The following ERBB4 variants were observed in gnomAD, a reference collection of about 807,000 sequenced individuals.
ERBB4 encodes the protein erb-b2 receptor tyrosine kinase 4, also known as receptor tyrosine-protein kinase erbB-4.
A neutral mutation model predicts 158.0 loss-of-function variants in ERBB4; 42 were observed. That is an observed-to-expected ratio of 0.27 (90% CI 0.21 to 0.34). The LOEUF is 0.34. Ranked by LOEUF, ERBB4 falls within the 10% of genes least tolerant of loss-of-function variation. The pLI, the probability that ERBB4 is intolerant of heterozygous loss-of-function variation, is 1.00. For missense variants in ERBB4, 1,333 were observed against 1,624.1 expected, an observed-to-expected ratio of 0.82 and a Z score of 3.08; for synonymous variants, 583 against 558.7, an observed-to-expected ratio of 1.04 and a Z score of -0.61.
At chr2:212,402,601 A>C (rs1157299149) in intron 1 of ERBB4, among the ~76,000 whole-genome samples, 2 of 152,112 alleles carry the variant, frequency 1.3e-5, no homozygotes, top group Non-Finnish European at 2.9e-5. Flanking sequence ...GTGTTAACTG[A>C]GCAAAATGTA....
intron 1 of ERBB4, among the ~76,000 whole-genome samples, chr2:212,288,445 G>T (rs955273413): frequency 2.0e-5 from 3 of 152,044 alleles, no homozygotes; most frequent in African/African-American, 7.2e-5. Flanking sequence ...AGGGCTCCCT[G>T]GCAGAAGCTC....
rs181579639 is a variant in ERBB4 at position 212,495,609 on chromosome 2, G to A, written c.82+42840C>T. ...TGGCCCCAATAGAAATGTACCTGGC[G>A]AGGCACGTGCTATGTCTCACCTGAC... On this transcript the variant is annotated intron_variant, in intron 1 of 27. Coordinates refer to ENST00000342788, the MANE Select transcript of ERBB4 (RefSeq NM_005235.3). Among the ~76,000 whole-genome samples, 7 of 152,228 alleles carry A rather than the reference G, an allele frequency of 4.6e-5. No homozygotes were observed. In the East Asian group the frequency reaches 5.8e-4, roughly 13 times the overall value.
chr2:212,079,530 A>G (rs1380979996), intron 2 of ERBB4, among the ~76,000 whole-genome samples: 1 of 152,006 alleles, frequency 6.6e-6, no homozygotes, highest in Non-Finnish European at 1.5e-5. Flanking sequence ...TACTCCCATA[A>G]CCTTTTAATA....
intron 1 of ERBB4, among the ~76,000 whole-genome samples, chr2:212,480,175 T>C (rs114597315): frequency 0.016 from 2,494 of 152,254 alleles, 38 homozygotes; most frequent in Middle Eastern, 0.034. Flanking sequence ...TAAAAAATAT[T>C]TTATCTATTC....
intron 13 of ERBB4, 76 bp downstream of exon 13, chr2:211,678,976 A>T: frequency 8.5e-7 from 1 of 1,172,886 alleles, no homozygotes; most frequent in Non-Finnish European, 1.2e-6. Flanking sequence ...CAAAAAAAAA[A>T]AAAAAAAAAA....
chr2:211,431,198 A>C (rs947558526), intron 20 of ERBB4, 98 bp from the exon 21 acceptor site: 15 of 1,068,618 alleles, frequency 1.4e-5, no homozygotes, highest in African/African-American at 9.5e-5. Context: ...GAAGTGCCTA[A>C]TTTTTTAAGT....
intron 16 of ERBB4, among the ~76,000 whole-genome samples, chr2:211,656,584 G>T (rs1470048507): frequency 6.6e-6 from 1 of 152,180 alleles, no homozygotes; most frequent in Non-Finnish European, 1.5e-5. Flanking sequence ...GATCAAGATA[G>T]AAGAATAGTT....
chr2:211,868,909 A>G lies in ERBB4; in HGVS notation c.421+78521T>C, dbSNP rs539624407. Reference sequence around the variant, plus strand: ...AAGTCCCAATTTTCCTTACCTCTCAATAAATCTATTGCAACAGCCTCCTAA... The same window carrying G: ...AAGTCCCAATTTTCCTTACCTCTCAGTAAATCTATTGCAACAGCCTCCTAA... On this transcript the variant is annotated intron_variant, in intron 3 of 27. Coordinates refer to ENST00000342788, the MANE Select transcript of ERBB4 (RefSeq NM_005235.3). 3.3e-4 allele frequency among the ~76,000 whole-genome samples: 51 copies of G among 152,242 alleles called. No individual in the cohort carries two copies. The South Asian group carries it at 5.0e-3, about 15-fold the overall frequency.
rs199623388 is a variant in ERBB4 at position 212,411,954 on chromosome 2, ACTT to A, written c.82+126492_82+126494del. Reference sequence around the variant, plus strand: ...AGCCCACATCTGGTCTATGGGAAAGACTTCTTCTTCTTCTTAGATCAACTCTGG... The same window carrying A: ...AGCCCACATCTGGTCTATGGGAAAGACTTCTTCTTCTTAGATCAACTCTGG... On this transcript the variant is annotated intron_variant, in intron 1 of 27. Transcript: ENST00000342788. Among the ~76,000 whole-genome samples, 1,134 of 152,104 alleles carry A rather than the reference ACTT, an allele frequency of 7.5e-3. 10 individuals are homozygous for A. The highest frequency in any genetic ancestry group is 0.026 in the African/African-American group (1,068 of 41,476).
intron 1 of ERBB4, among the ~76,000 whole-genome samples, chr2:212,188,245 TCA>T (rs1559691981): frequency 6.9e-5 from 2 of 29,172 alleles, no homozygotes; most frequent in African/African-American, 1.4e-4. Context: ...CCCCCCCCTC[TCA>T]CCCCCTCCCT....
chr2:211,513,487 C>T (rs1234077816), intron 20 of ERBB4, among the ~76,000 whole-genome samples: 1 of 151,988 alleles, frequency 6.6e-6, no homozygotes, highest in Non-Finnish European at 1.5e-5. Context: ...ATTCTTTCCC[C>T]TCTCTCTATG....
rs1031415089 is a variant in ERBB4, at chr2:212,087,052, C to T, written c.234+37700G>A. Among the ~76,000 whole-genome samples the T allele has an allele frequency of 4.6e-5, 7 of 151,884 alleles. No homozygotes were observed. In the East Asian group the frequency reaches 7.7e-4, roughly 17 times the overall value. On this transcript the variant is annotated intron_variant, in intron 2 of 27. Coordinates refer to ENST00000342788, the MANE Select transcript of ERBB4 (RefSeq NM_005235.3). ...AGGAAAGATGTATATCTTCCTGCTTCGGTGATGCAGAGAAAGGGAGCTTAA... is the reference window on the plus strand; with the variant it reads ...AGGAAAGATGTATATCTTCCTGCTTTGGTGATGCAGAGAAAGGGAGCTTAA...
At position 212,188,215 on chromosome 2, in the gene ERBB4, T is replaced by TCTCTCTCG. The variant is rs1553585799; in HGVS notation, c.83-63313_83-63312insCGAGAGAG. 4.8e-3 allele frequency among the ~76,000 whole-genome samples: 156 copies of TCTCTCTCG among 32,326 alleles called. 4 individuals are homozygous for TCTCTCTCG. Among genetic ancestry groups the TCTCTCTCG allele is most frequent in the African/African-American group, 0.016 (138 of 8,756 alleles). 21.2% of individuals were successfully genotyped at this position (32,326 alleles called of 152,430 possible). A position where few individuals can be genotyped will look rare whatever the true frequency, so the allele number is the denominator to read the frequency against. On this transcript the variant is annotated intron_variant, in intron 1 of 27. Transcript: ENST00000342788. ...CTCTCTCTCTCTCTCTCTCTCTCTC[T>TCTCTCTCG]CTCTCTCTCTCTCTCTCTCCCCCCC...
chr2:211,598,927 G>C (rs1171442062), intron 19 of ERBB4, among the ~76,000 whole-genome samples: 1 of 152,142 alleles, frequency 6.6e-6, no homozygotes, highest in Non-Finnish European at 1.5e-5. Flanking sequence ...TCATGCCATA[G>C]ATTTGAGCCC....
chr2:211,379,742 A>G lies in ERBB4; in HGVS notation c.*3873T>C. 4.3e-6 allele frequency: 1 copy of G among 232,112 alleles called. No individual in the cohort carries two copies. The highest frequency in any genetic ancestry group is 1.3e-3 in the Middle Eastern group (1 of 776). 14.4% of individuals were successfully genotyped at this position (232,112 alleles called of 1,614,324 possible). A position where few individuals can be genotyped will look rare whatever the true frequency, so the allele number is the denominator to read the frequency against. On this transcript the variant is annotated 3_prime_UTR_variant, in exon 28 of 28. Transcript: ENST00000342788. ...TTTTCTATTACCTTATGAACTACATATACTAGTTAAATTATCAACAATTAC... is the reference window on the plus strand; with the variant it reads ...TTTTCTATTACCTTATGAACTACATGTACTAGTTAAATTATCAACAATTAC...
rs554583515 is a variant in ERBB4 at position 212,062,461 on chromosome 2, A to G, written c.234+62291T>C. On this transcript the variant is annotated intron_variant, in intron 2 of 27. Transcript: ENST00000342788. ...TGAGATGGAGTCTCACTCTGTTGCC[A>G]GGCTGGTGCAATCTCGGCTCACTGC... Among the ~76,000 whole-genome samples the G allele has an allele frequency of 1.4e-4, 16 of 115,880 alleles. No homozygotes were observed. The Admixed American group carries it at 1.9e-3, about 13-fold the overall frequency. The allele number at this position is 115,880 out of a possible 152,430, so 76.0% of individuals were successfully genotyped here.
At chr2:212,533,942 G>C (rs746320281) in intron 1 of ERBB4, among the ~76,000 whole-genome samples, 5 of 152,146 alleles carry the variant, frequency 3.3e-5, no homozygotes, top group African/African-American at 7.2e-5. Flanking sequence ...ACAAATATTA[G>C]CATCTCAACA....
At chr2:212,494,742 T>C (rs919693636) in intron 1 of ERBB4, among the ~76,000 whole-genome samples, 1 of 152,148 alleles carries the variant, frequency 6.6e-6, no homozygotes. Context: ...TGTATTTCTT[T>C]TCTAGTTTTA....
intron 20 of ERBB4, among the ~76,000 whole-genome samples, chr2:211,503,420 A>G (rs964231805): frequency 2.0e-5 from 3 of 152,126 alleles, no homozygotes; most frequent in Non-Finnish European, 4.4e-5. Flanking sequence ...CAGGCCCGCC[A>G]GTTTCTCCCA....
Sources: allele counts gnomAD v4.1 joint callset (sites outside exome capture counted in the v4.1 genomes callset), GRCh38; gene constraint gnomAD v4.1.1; transcripts MANE v1.5; gene names NCBI Gene and HGNC (gene_info 2026-07-23, HGNC 2026-07-21).